SLC2A6: variants seen among roughly 807,000 people sequenced by gnomAD.
SLC2A6 encodes the protein solute carrier family 2 member 6, also known as solute carrier family 2, facilitated glucose transporter member 6.
Under a neutral mutation model 47.8 loss-of-function variants are expected in SLC2A6, and 39 were observed. The observed-to-expected ratio is 0.82, with a 90% CI of 0.63 to 1.07. SLC2A6 has a LOEUF of 1.07. Among genes scored for constraint, SLC2A6 ranks in the 50% least tolerant of loss-of-function variants. The pLI, the probability that SLC2A6 is intolerant of heterozygous loss-of-function variation, is 0.00. For missense variants in SLC2A6, 650 were observed against 707.6 expected (o/e 0.92, Z 0.92); for synonymous variants, 346 against 324.1 (o/e 1.07, Z -0.73).
At chr9:133,475,158 A>T in intron 5 of SLC2A6, 45 bp from the exon 6 acceptor site, 1 of 1,485,576 alleles carries the variant, frequency 6.7e-7, no homozygotes, top group Non-Finnish European at 8.9e-7. Context: ...CAGCCTCTCC[A>T]GCAGGCGCCA....
At chr9:133,474,180 C>G (rs1843854929) in intron 6 of SLC2A6, 92 bp from the exon 7 acceptor site, 3 of 1,001,970 alleles carry the variant, frequency 3.0e-6, no homozygotes, top group Admixed American at 4.3e-5. Context: ...ATTGCAGGGG[C>G]TCAGGCCAGC....
In SLC2A6 at chr9:133,475,165, G is replaced by A. The variant is rs932755701; in HGVS notation, c.775-52C>T. Reference sequence around the variant, plus strand: ...CGTTGGGCCAGCCTCTCCAGCAGGCGCCATCCTGCCCTGGACCGCCAGGGG... The same window carrying A: ...CGTTGGGCCAGCCTCTCCAGCAGGCACCATCCTGCCCTGGACCGCCAGGGG... On this transcript the variant is annotated intron_variant, in intron 5 of 9. Transcript: ENST00000371899. The A allele has an allele frequency of 7.5e-6, 11 of 1,476,264 alleles. No individual in the cohort carries two copies. The African/African-American group carries it at 8.4e-5, about 11-fold the overall frequency. The allele number at this position is 1,476,264 out of a possible 1,614,324, so 91.4% of individuals were successfully genotyped here. A position where few individuals can be genotyped will look rare whatever the true frequency, so the allele number is the denominator to read the frequency against.
intron 4 of SLC2A6, among the ~76,000 whole-genome samples, chr9:133,475,874 C>T (rs1843926767): frequency 6.6e-6 from 1 of 152,204 alleles, no homozygotes; most frequent in South Asian, 2.1e-4. Context: ...TAGGCCTCCA[C>T]CCAAGACCTC....
At chr9:133,474,135 C>T (rs1019915895) in intron 6 of SLC2A6, 47 bp from the exon 7 acceptor site, 94 of 1,463,522 alleles carry the variant, frequency 6.4e-5, no homozygotes, top group Non-Finnish European at 8.7e-5. Flanking sequence ...CTGCTGTTCC[C>T]ATCCCCCTCC....
Position 133,473,427 on chromosome 9 carries a change from G to C in SLC2A6, c.1210C>G (p.Leu404Val), listed in dbSNP as rs782621374. 4 of 1,601,876 alleles carry C rather than the reference G, an allele frequency of 2.5e-6. No individual in the cohort carries two copies. The highest frequency in any genetic ancestry group is 3.4e-6 in the Non-Finnish European group (4 of 1,175,034). Residue 404 changes from leucine to valine, a missense_variant, in exon 8 of 10, where the codon CTC (leucine) becomes GTC (valine). Leu to Val is a conservative substitution (Grantham distance 32). Coordinates refer to ENST00000371899, the MANE Select transcript of SLC2A6 (RefSeq NM_017585.4). ...CCACCACACCTACCCATGATGAAGA[G>C]CATGGTGGCCAGCAGGGGCACCAGG... Reference protein sequence around the residue: ...LTLVPLLATMLFIMGYAVGWG... With the variant: ...LTLVPLLATMVFIMGYAVGWG...
Position 133,475,435 on chromosome 9 carries a change from C to A in SLC2A6, c.739G>T (p.Glu247Ter). 1.2e-6 allele frequency: 2 copies of A among 1,611,078 alleles called. No individual in the cohort carries two copies. The highest frequency in any genetic ancestry group is 8.5e-7 in the Non-Finnish European group (1 of 1,179,178). Residue 247 changes from glutamate to a stop codon, truncating the protein, a stop_gained, in exon 5 of 10, where the codon GAG becomes TAG. Transcript: ENST00000371899. LOFTEE classifies it high-confidence loss of function. ...ACGTTGTCCTGGATCTGCTCGAACT[C>A]CCAGTGGACATCGACGTCCGTCCCA... ...LRGTDVDVHW[E>*]FEQIQDNVRR...
At chr9:133,478,557 G>A in intron 1 of SLC2A6, 141 bp from the exon 2 acceptor site, 1 of 885,426 alleles carries the variant, frequency 1.1e-6, no homozygotes, top group Non-Finnish European at 1.7e-6. Context: ...CGTTCCCAGG[G>A]CCTGAGCCCC....
chr9:133,478,320 G>A lies in SLC2A6; in HGVS notation c.189C>T (p.Ile63=), dbSNP rs1844036682. ...GYALVYTSPV[I]PALERSLDPD... is the part of the protein sequence containing the mutation. ...GATCCAAGGAGCGCTCCAGGGCTGG[G>A]ATGACAGGGGATGTGTAGACCAGGG... is the stretch of plus-strand genomic sequence containing the variant. Residue 63 remains isoleucine (I), a synonymous_variant, in exon 2 of 10, where the codon ATC becomes ATT. Coordinates refer to ENST00000371899, the MANE Select transcript of SLC2A6 (RefSeq NM_017585.4). 6.2e-7 allele frequency: 1 copy of A among 1,614,042 alleles called. No homozygotes were observed.
rs1196410081 is a variant in SLC2A6, at chr9:133,476,291, CCA to C, written c.506_507del (p.Leu169ArgfsTer97). 1.2e-6 allele frequency: 2 copies of C among 1,612,952 alleles called. No homozygotes were observed. Among genetic ancestry groups the C allele is most frequent in the African/African-American group, 2.7e-5 (2 of 74,940 alleles). On this transcript the variant is annotated frameshift_variant, in exon 4 of 10. Transcript: ENST00000371899. LOFTEE classifies it high-confidence loss of function. The stretch of plus-strand genomic sequence containing the variant: ...ACTGCCATGAGCTGGGGTGTGGCCC[CCA>C]GAGCCCCACGAACGCCTGGGGGAGC... Reference protein sequence around the residue: ...EIAPPGVRGALGATPQLMAVF... With the variant: ...EIAPPGVRGAXGATPQLMAVF...
chr9:133,476,308 C>T lies in SLC2A6; in HGVS notation c.491G>A (p.Gly164Asp), dbSNP rs1554803369. The T allele has an allele frequency of 6.2e-7, 1 of 1,613,032 alleles. No homozygotes were observed. The highest frequency in any genetic ancestry group is 1.7e-5 in the Admixed American group (1 of 60,010). ...PVYVSEIAPP[G>D]VRGALGATPQ... The stretch of plus-strand genomic sequence containing the variant: ...TGTGGCCCCCAGAGCCCCACGAACG[C>T]CTGGGGGAGCAATCTCAGACACGTA... The change falls in exon 4 of 10, where the codon GGC becomes GAC. Residue 164 changes from glycine (G) to aspartate (D), a missense_variant. Physicochemically the swap from Gly to Asp is moderately conservative, Grantham distance 94 (BLOSUM62 -1). Transcript: ENST00000371899.
chr9:133,472,609 C>G lies in SLC2A6; in HGVS notation c.1369-433G>C, dbSNP rs72779221. 9.8e-3 allele frequency among the ~76,000 whole-genome samples: 1,488 copies of G among 152,306 alleles called. 11 individuals are homozygous for G. The highest frequency in any genetic ancestry group is 0.015 in the Non-Finnish European group (1,027 of 68,018). ...CCCCCTGCCCTGACCACTGCAGGGACAGCTTAGGCGCTGGCCTAGGCTGCC... is the reference window on the plus strand; with the variant it reads ...CCCCCTGCCCTGACCACTGCAGGGAGAGCTTAGGCGCTGGCCTAGGCTGCC... On this transcript the variant is annotated intron_variant, in intron 9 of 9. Transcript: ENST00000371899.
chr9:133,477,358 C>A, intron 2 of SLC2A6, 117 bp from the exon 3 acceptor site: 2 of 956,378 alleles, frequency 2.1e-6, no homozygotes, highest in Admixed American at 5.4e-5. Flanking sequence ...AAGCACTTGG[C>A]CAAGTCAAGC....
At position 133,475,047 on chromosome 9, in the gene SLC2A6, G is replaced by T; in HGVS notation, c.841C>A (p.Leu281Met). 1 of 1,600,522 alleles carries T rather than the reference G, an allele frequency of 6.2e-7. No homozygotes were observed. The highest frequency in any genetic ancestry group is 1.1e-5 in the South Asian group (1 of 88,762). Residue 281 changes from leucine (L) to methionine (M), a missense_variant, in exon 6 of 10, where the codon CTG becomes ATG. Physicochemically the swap from Leu to Met is conservative, Grantham distance 15. Transcript: ENST00000371899. ...GTCAGCTGCTGCAGGAGGCGCATCA[G>T]CAAGGCCACGGTGATGGGCCGGCAC... ...HVCRPITVAL[L>M]MRLLQQLTGI...
At chr9:133,478,795 T>C in intron 1 of SLC2A6, 173 bp downstream of exon 1, 3 of 618,646 alleles carry the variant, frequency 4.8e-6, no homozygotes, top group Non-Finnish European at 8.3e-6. Flanking sequence ...TTCCTTCCCT[T>C]AGGGGGACCA....
Position 133,477,022 on chromosome 9 carries a change from G to T in SLC2A6, c.462+13C>A. ...AGGCATTGGGGCGCCTGGGTGGGAAGGCCTGGCCTTACCGGGATGCAGGCA... is the reference window on the plus strand; with the variant it reads ...AGGCATTGGGGCGCCTGGGTGGGAATGCCTGGCCTTACCGGGATGCAGGCA... On this transcript the variant is annotated intron_variant, in intron 3 of 9. Transcript: ENST00000371899. The T allele has an allele frequency of 6.5e-7, 1 of 1,547,386 alleles. No individual in the cohort carries two copies. Among genetic ancestry groups the T allele is most frequent in the African/African-American group, 1.4e-5 (1 of 73,018 alleles).
In SLC2A6 at chr9:133,477,200, G is replaced by C. The variant is rs1351916831; in HGVS notation, c.297C>G (p.Ala99=). Residue 99 remains alanine, a synonymous_variant, in exon 3 of 10, where the codon GCC becomes GCG. Transcript: ENST00000371899. ...TLGAAAGGLS[A]MILNDLLGRK... ...GGCCCAGGAGGTCGTTGAGGATCATGGCACTCAGGCCTCCGGCCGCTGCTC... is the reference window on the plus strand; with the variant it reads ...GGCCCAGGAGGTCGTTGAGGATCATCGCACTCAGGCCTCCGGCCGCTGCTC... 16 of 1,551,030 alleles carry C rather than the reference G, an allele frequency of 1.0e-5. No individual in the cohort carries two copies. The highest frequency in any genetic ancestry group is 1.4e-5 in the Non-Finnish European group (16 of 1,147,330).
chr9:133,478,857 C>T, intron 1 of SLC2A6, 111 bp downstream of exon 1: 1 of 931,244 alleles, frequency 1.1e-6, no homozygotes, highest in Non-Finnish European at 1.6e-6. Context: ...CAGATGGCCC[C>T]TCGGTGGCGA....
At position 133,477,196 on chromosome 9, in the gene SLC2A6, T is replaced by G; in HGVS notation, c.301A>C (p.Ile101Leu). 9 of 1,550,942 alleles carry G rather than the reference T, an allele frequency of 5.8e-6. No individual in the cohort carries two copies. The highest frequency in any genetic ancestry group is 7.8e-6 in the Non-Finnish European group (9 of 1,147,300). The change falls in exon 3 of 10, where the codon ATC (isoleucine) becomes CTC (leucine). Residue 101 changes from isoleucine to leucine, a missense_variant. Physicochemically the swap from Ile to Leu is conservative, Grantham distance 5. Transcript: ENST00000371899. ...TTCCGGCCCAGGAGGTCGTTGAGGA[T>G]CATGGCACTCAGGCCTCCGGCCGCT... ...GAAAGGLSAM[I>L]LNDLLGRKLS...
Position 133,475,556 on chromosome 9 carries a change from G to A in SLC2A6, c.618C>T (p.Ile206=). Residue 206 remains isoleucine (I), a synonymous_variant, in exon 5 of 10, where the codon ATC becomes ATT. Coordinates refer to ENST00000371899, the MANE Select transcript of SLC2A6 (RefSeq NM_017585.4). ...GCATGAAGCTGAGCAGCAGGATCAT[G>A]ATGAGCACAGGCGCCTCCCCGGCCA... is the stretch of plus-strand genomic sequence containing the variant. ...LAVAGEAPVL[I]MILLLSFMPN... 6.2e-7 allele frequency: 1 copy of A among 1,609,492 alleles called. No homozygotes were observed. The highest frequency in any genetic ancestry group is 1.7e-5 in the Admixed American group (1 of 59,830).
Sources: gnomAD v4.1 joint callset for allele counts (sites outside exome capture counted in the v4.1 genomes callset) on GRCh38, gnomAD v4.1.1 for gene constraint, MANE v1.5 for transcripts, NCBI Gene and HGNC (gene_info 2026-07-23, HGNC 2026-07-21) for gene names.